ACCS: variants seen among roughly 807,000 people sequenced by gnomAD.
ACCS encodes 1-aminocyclopropane-1-carboxylate synthase-like protein 1.
Under a neutral mutation model 59.8 loss-of-function variants are expected in ACCS, and 42 were observed. The ratio of observed to expected loss-of-function variants is 0.70; its 90% CI spans 0.55 to 0.91. The LOEUF is 0.91. ACCS is among the 40% of genes least tolerant of loss of function. ACCS has a pLI of 0.00. For synonymous variants in ACCS, 230 were observed against 240.3 expected, an observed-to-expected ratio of 0.96 and a Z score of 0.40; for missense variants, 602 against 630.4, an observed-to-expected ratio of 0.95 and a Z score of 0.48.
chr11:44,077,164 C>G, intron 6 of ACCS, 115 bp from the exon 7 acceptor site: 1 of 1,177,972 alleles, frequency 8.5e-7, no homozygotes. Flanking sequence ...TGCAAGTATG[C>G]CCCAAACGGT....
At chr11:44,082,179 C>G (rs1953669662) in intron 12 of ACCS, 1 of 141,604 alleles carries the variant, frequency 7.1e-6, no homozygotes, top group Middle Eastern at 3.4e-3. Flanking sequence ...GTCTCATACA[C>G]TGCTGGTAGG....
chr11:44,077,901 C>G lies in ACCS; in HGVS notation c.711C>G (p.Ala237=). The change falls in exon 8 of 15, where the codon GCC becomes GCG. Residue 237 remains alanine, a synonymous_variant. Coordinates refer to ENST00000263776, the MANE Select transcript of ACCS (RefSeq NM_032592.4). ...FQLTVEKLEM[A]LREAHSEGVK... ...TCACAGTGGAGAAGCTGGAGATGGC[C>G]CTGAGAGAAGCTCACTCTGAGGTCT... The G allele has an allele frequency of 6.2e-7, 1 of 1,613,952 alleles. No individual in the cohort carries two copies. The highest frequency in any genetic ancestry group is 8.5e-7 in the Non-Finnish European group (1 of 1,179,954).
rs770398331 is a variant in ACCS, at chr11:44,077,396, A to C, written c.654+20A>C. The C allele has an allele frequency of 7.4e-6, 12 of 1,613,302 alleles. No homozygotes were observed. The South Asian group carries it at 1.1e-4, about 15-fold the overall frequency. Reference sequence around the variant, plus strand: ...AGTGAGGTAAGAGTCTTGACTTCCTAGGTGGAACCTGGGCCTGCCTGTGGT... The same window carrying C: ...AGTGAGGTAAGAGTCTTGACTTCCTCGGTGGAACCTGGGCCTGCCTGTGGT... On this transcript the variant is annotated intron_variant, in intron 7 of 14. Transcript: ENST00000263776.
chr11:44,077,419 G>A (rs2074042), intron 7 of ACCS, 43 bp downstream of exon 7: 186,808 of 1,611,142 alleles, frequency 0.12, 11,189 homozygotes, highest in Middle Eastern at 0.16. Flanking sequence ...GCCTGCCTGT[G>A]GTCAAGAGTT....
intron 5 of ACCS, 41 bp downstream of exon 5, chr11:44,074,722 TC>T: frequency 8.0e-7 from 1 of 1,247,262 alleles, no homozygotes; most frequent in South Asian, 1.9e-5. Context: ...TTCTCCTGCC[TC>T]CCCTCTCCAT....
rs753501571 is a variant in ACCS at position 44,081,007 on chromosome 11, G to A, written c.924-13G>A. On this transcript the variant is annotated splice_polypyrimidine_tract_variant and intron_variant, in intron 10 of 14. Transcript: ENST00000263776. ...TCTGTGTTGCCTCTGTTCCCATGCTGTGCTCTCTGCAGGCTCCCTGACCCC... is the reference window on the plus strand; with the variant it reads ...TCTGTGTTGCCTCTGTTCCCATGCTATGCTCTCTGCAGGCTCCCTGACCCC... The A allele has an allele frequency of 6.2e-7, 1 of 1,614,192 alleles. No individual in the cohort carries two copies. The highest frequency in any genetic ancestry group is 8.5e-7 in the Non-Finnish European group (1 of 1,180,034).
chr11:44,077,278 G>C lies in ACCS; in HGVS notation c.557-1G>C. 1 of 1,613,814 alleles carries C rather than the reference G, an allele frequency of 6.2e-7. No individual in the cohort carries two copies. The highest frequency in any genetic ancestry group is 1.1e-5 in the South Asian group (1 of 91,022). On this transcript the variant is annotated splice_acceptor_variant, in intron 6 of 14. Coordinates refer to ENST00000263776, the MANE Select transcript of ACCS (RefSeq NM_032592.4). LOFTEE classifies it high-confidence loss of function. ...AGGCCCTCGCCCACTCCTGCCCCCA[G>C]AGGCTTTCCTGATCCCCACCCCTTA...
intron 2 of ACCS, among the ~76,000 whole-genome samples, chr11:44,071,010 C>T (rs946444430): frequency 7.2e-5 from 11 of 152,162 alleles, no homozygotes; most frequent in Non-Finnish European, 1.3e-4. Flanking sequence ...GAATGTATCC[C>T]TTCCAGGTGG....
chr11:44,078,947 C>T (rs1953507047), intron 9 of ACCS, 163 bp downstream of exon 9: 1 of 607,066 alleles, frequency 1.6e-6, no homozygotes, highest in African/African-American at 1.8e-5. Flanking sequence ...GTGGGATGCC[C>T]ATTCCTCTTT....
intron 12 of ACCS, among the ~76,000 whole-genome samples, chr11:44,082,615 C>T (rs1192844478): frequency 1.3e-5 from 2 of 152,176 alleles, no homozygotes; most frequent in Non-Finnish European, 2.9e-5. Flanking sequence ...TTTATAGTCA[C>T]ATCAGAGATG....
intron 6 of ACCS, among the ~76,000 whole-genome samples, chr11:44,076,539 G>T (rs764340333): frequency 6.6e-6 from 1 of 152,140 alleles, no homozygotes; most frequent in Non-Finnish European, 1.5e-5. Flanking sequence ...ATTTCCTGCC[G>T]GTTCCAGAAC....
chr11:44,072,468 T>A (rs534509952), intron 3 of ACCS: 17 of 152,234 alleles, frequency 1.1e-4, no homozygotes, highest in African/African-American at 3.9e-4. Context: ...GGAATAGATT[T>A]TAAAGGCCTG....
At chr11:44,080,472 T>TAA in intron 10 of ACCS, 1 of 150,910 alleles carries the variant, frequency 6.6e-6, no homozygotes, top group Non-Finnish European at 1.5e-5. Flanking sequence ...GGTTAGTCAT[T>TAA]AAAAAAAAAA....
chr11:44,077,790 T>A (rs1417735722), intron 7 of ACCS, 55 bp from the exon 8 acceptor site: 1 of 1,595,634 alleles, frequency 6.3e-7, no homozygotes, highest in African/African-American at 1.3e-5. Flanking sequence ...CATATGTATT[T>A]TGGGGGGCAA....
rs949966372 is a variant in ACCS at position 44,080,890 on chromosome 11, G to T, written c.924-130G>T. The T allele has an allele frequency of 1.2e-5, 14 of 1,187,168 alleles. No individual in the cohort carries two copies. In the Admixed American group the frequency reaches 1.8e-4, roughly 15 times the overall value. The allele number at this position is 1,187,168 out of a possible 1,614,324, so 73.5% of individuals were successfully genotyped here. A position where few individuals can be genotyped will look rare whatever the true frequency, so the allele number is the denominator to read the frequency against. On this transcript the variant is annotated intron_variant, in intron 10 of 14. Coordinates refer to ENST00000263776, the MANE Select transcript of ACCS (RefSeq NM_032592.4). ...GATGCATGGGAATGGGTGGTTCAAA[G>T]ACATGAAACCAGGGCTTGTCCTGGA...
At position 44,077,691 on chromosome 11, in the gene ACCS, A is replaced by AT. The variant is rs1953439511; in HGVS notation, c.655-153dup. The AT allele has an allele frequency of 2.2e-5, 32 of 1,454,870 alleles. No homozygotes were observed. The South Asian group carries it at 4.3e-4, about 19-fold the overall frequency. The allele number at this position is 1,454,870 out of a possible 1,614,324, so 90.1% of individuals were successfully genotyped here. On this transcript the variant is annotated intron_variant, in intron 7 of 14. Coordinates refer to ENST00000263776, the MANE Select transcript of ACCS (RefSeq NM_032592.4). ...CTCTGAAGTGATGGGTTGGGGGTGG[A>AT]TGGCAGTAAGAGGGAGGGACCCCAC... is the stretch of plus-strand genomic sequence containing the variant.
At chr11:44,079,965 C>T (rs936200659) in intron 10 of ACCS, among the ~76,000 whole-genome samples, 20 of 152,192 alleles carry the variant, frequency 1.3e-4, no homozygotes, top group East Asian at 3.8e-4. Flanking sequence ...CTCATTCACT[C>T]AGCACCTCTG....
intron 12 of ACCS, 127 bp from the exon 13 acceptor site, chr11:44,083,042 C>A: frequency 8.0e-7 from 1 of 1,246,770 alleles, no homozygotes; most frequent in Non-Finnish European, 1.1e-6. Context: ...ACCACAGCAG[C>A]CAGCTAGAGG....
intron 1 of ACCS, 125 bp from the exon 2 acceptor site, chr11:44,067,503 T>C: frequency 2.0e-6 from 2 of 981,196 alleles, no homozygotes; most frequent in South Asian, 1.6e-5. Context: ...CAGGAAGTGA[T>C]GAGTGCATAA....
Sources: allele counts gnomAD v4.1 joint callset (sites outside exome capture counted in the v4.1 genomes callset), GRCh38; gene constraint gnomAD v4.1.1; transcripts MANE v1.5; gene names NCBI Gene and HGNC (gene_info 2026-07-23, HGNC 2026-07-21).